The following CABCOCO1 variants were observed in gnomAD, a reference collection of about 807,000 sequenced individuals.
CABCOCO1 encodes the protein ciliary-associated calcium-binding coiled-coil protein 1.
Under a neutral mutation model 35.7 loss-of-function variants are expected in CABCOCO1, and 28 were observed. That is an observed-to-expected ratio of 0.78 (90% CI 0.58 to 1.07). The LOEUF is 1.07. Among genes scored for constraint, CABCOCO1 ranks in the 50% least tolerant of loss-of-function variants. The pLI is 0.00. For synonymous variants in CABCOCO1, 95 were observed against 100.1 expected (o/e 0.95, Z 0.30); for missense variants, 326 against 309.2 (o/e 1.05, Z -0.41).
At chr10:61,663,976 A>T (rs1472093646) in intron 1 of CABCOCO1, among the ~76,000 whole-genome samples, 1 of 152,098 alleles carries the variant, frequency 6.6e-6, no homozygotes, top group Non-Finnish European at 1.5e-5. Context: ...GGTCTAAACG[A>T]CATTCTTTGT....
At chr10:61,747,454 G>A (rs1227827115) in intron 5 of CABCOCO1, among the ~76,000 whole-genome samples, 1 of 151,924 alleles carries the variant, frequency 6.6e-6, no homozygotes, top group African/African-American at 2.4e-5. Flanking sequence ...TTTTCCTGGG[G>A]CAATGACGAT....
chr10:61,761,531 C>G (rs1242256537), intron 7 of CABCOCO1, among the ~76,000 whole-genome samples: 2 of 152,100 alleles, frequency 1.3e-5, no homozygotes, highest in Non-Finnish European at 2.9e-5. Flanking sequence ...GATTTATTAA[C>G]TGGCTTAGGT....
At chr10:61,680,640 A>AACATATACATGTTATACATG (rs1839724884) in intron 2 of CABCOCO1, among the ~76,000 whole-genome samples, 2 of 27,282 alleles carry the variant, frequency 7.3e-5, no homozygotes, top group South Asian at 3.1e-3. Flanking sequence ...TGTTATACAT[A>AACATATACATGTTATACATG]TATAATATAT....
chr10:61,675,477 T>C (rs938020914), intron 2 of CABCOCO1, among the ~76,000 whole-genome samples: 1 of 152,068 alleles, frequency 6.6e-6, no homozygotes, highest in Non-Finnish European at 1.5e-5. Flanking sequence ...ATGAAAAAGG[T>C]CAAAGAGATT....
chr10:61,726,072 G>T (rs538990247), intron 5 of CABCOCO1, among the ~76,000 whole-genome samples: 7 of 152,170 alleles, frequency 4.6e-5, no homozygotes, highest in Admixed American at 6.5e-5. Flanking sequence ...TTCCACTACA[G>T]TGCGATTTTT....
intron 5 of CABCOCO1, among the ~76,000 whole-genome samples, chr10:61,735,917 G>T (rs1841405976): frequency 6.6e-6 from 1 of 152,088 alleles, no homozygotes; most frequent in Non-Finnish European, 1.5e-5. Context: ...CAGTGATATT[G>T]AACTTTTTTT....
chr10:61,755,404 C>T (rs7913837), intron 5 of CABCOCO1, among the ~76,000 whole-genome samples: 9,463 of 152,102 alleles, frequency 0.062, 607 homozygotes, highest in African/African-American at 0.16. Context: ...AATTTCTGTG[C>T]CTTTTTTCCC....
At chr10:61,668,143 A>G (rs1839247091) in intron 1 of CABCOCO1, among the ~76,000 whole-genome samples, 1 of 151,966 alleles carries the variant, frequency 6.6e-6, no homozygotes, top group South Asian at 2.1e-4. Flanking sequence ...CATAAAAATT[A>G]TATTAGACCT....
intron 2 of CABCOCO1, among the ~76,000 whole-genome samples, chr10:61,677,811 GTTTTTTTTTTTTT>G (rs35492889): frequency 3.3e-5 from 2 of 60,308 alleles, no homozygotes; most frequent in Non-Finnish European, 5.8e-5. Flanking sequence ...TTTTTTGGGT[GTTTTTTTTTTTTT>G]TTTTTTTTTT....
At chr10:61,670,791 C>T (rs530478001) in intron 1 of CABCOCO1, among the ~76,000 whole-genome samples, 1 of 152,320 alleles carries the variant, frequency 6.6e-6, no homozygotes, top group South Asian at 2.1e-4. Context: ...TCTTCCATCT[C>T]CCCTTCACAG....
chr10:61,703,659 A>T (rs939169405), intron 5 of CABCOCO1, among the ~76,000 whole-genome samples: 6 of 151,926 alleles, frequency 3.9e-5, no homozygotes, highest in Non-Finnish European at 7.4e-5. Flanking sequence ...GTATCAGTTT[A>T]TATGTAATCT....
intron 5 of CABCOCO1, among the ~76,000 whole-genome samples, chr10:61,702,823 C>T (rs1840494494): frequency 6.6e-6 from 1 of 151,788 alleles, no homozygotes; most frequent in South Asian, 2.1e-4. Flanking sequence ...AAAGAGGCCA[C>T]CTGATTGGTA....
intron 5 of CABCOCO1, among the ~76,000 whole-genome samples, chr10:61,736,316 T>C (rs1841414901): frequency 1.3e-5 from 2 of 152,150 alleles, no homozygotes; most frequent in African/African-American, 2.4e-5. Flanking sequence ...TTGACTTTTA[T>C]ATATGGTGTA....
chr10:61,743,252 G>A (rs1404416665), intron 5 of CABCOCO1, among the ~76,000 whole-genome samples: 2 of 152,016 alleles, frequency 1.3e-5, no homozygotes, highest in African/African-American at 4.8e-5. Flanking sequence ...TTGGACATAT[G>A]GAAAATAAAT....
At position 61,681,161 on chromosome 10, in the gene CABCOCO1, G is replaced by T; in HGVS notation, c.183G>T (p.Leu61Phe). The stretch of plus-strand genomic sequence containing the variant: ...TTTACAGAAAACTGAGAATATTTTT[G>T]AATTTCAAAAACCTTGAAACTTGTT... ...DGVQEKLRIF[L>F]NFKNLETCLK... The change falls in exon 3 of 8, where the codon TTG (leucine) becomes TTT (phenylalanine). Residue 61 changes from leucine (L) to phenylalanine (F), a missense_variant. Physicochemically the swap from Leu to Phe is conservative, Grantham distance 22 (BLOSUM62 0). Coordinates refer to ENST00000648843, the MANE Select transcript of CABCOCO1 (RefSeq NM_001366906.2). 2.1e-6 allele frequency: 3 copies of T among 1,458,244 alleles called. No homozygotes were observed. The highest frequency in any genetic ancestry group is 2.7e-5 in the South Asian group (2 of 73,340). The allele number at this position is 1,458,244 out of a possible 1,614,324, so 90.3% of individuals were successfully genotyped here. A position where few individuals can be genotyped will look rare whatever the true frequency, so the allele number is the denominator to read the frequency against.
At chr10:61,747,019 A>T (rs1173097255) in intron 5 of CABCOCO1, among the ~76,000 whole-genome samples, 1 of 152,162 alleles carries the variant, frequency 6.6e-6, no homozygotes, top group East Asian at 1.9e-4. Flanking sequence ...TGCTAGTAAG[A>T]TGGTGAAGTT....
At chr10:61,702,413 G>A (rs1267369477) in intron 5 of CABCOCO1, among the ~76,000 whole-genome samples, 1 of 152,114 alleles carries the variant, frequency 6.6e-6, no homozygotes, top group Non-Finnish European at 1.5e-5. Flanking sequence ...TGACAAAGTG[G>A]ATTCCTTTCT....
chr10:61,745,516 A>G (rs1841637153), intron 5 of CABCOCO1, among the ~76,000 whole-genome samples: 1 of 152,146 alleles, frequency 6.6e-6, no homozygotes, highest in African/African-American at 2.4e-5. Flanking sequence ...CTATGGCCCA[A>G]CTGTAGCCGT....
chr10:61,738,855 T>C (rs1030602608), intron 5 of CABCOCO1, among the ~76,000 whole-genome samples: 1 of 152,216 alleles, frequency 6.6e-6, no homozygotes, highest in African/African-American at 2.4e-5. Flanking sequence ...AAGACACTCA[T>C]AATTTAGAGA....
Sources: allele counts gnomAD v4.1 joint callset (sites outside exome capture counted in the v4.1 genomes callset), GRCh38; gene constraint gnomAD v4.1.1; transcripts MANE v1.5; gene names NCBI Gene and HGNC (gene_info 2026-07-23, HGNC 2026-07-21).